The following ROBO1 variants were observed in gnomAD, a reference collection of about 807,000 sequenced individuals.
The protein encoded by ROBO1 is roundabout homolog 1.
ROBO1 carries 149 observed loss-of-function variants against 195.9 expected under a neutral mutation model. The ratio of observed to expected loss-of-function variants is 0.76; its 90% CI spans 0.67 to 0.87. The LOEUF is 0.87. ROBO1 is among the 40% of genes least tolerant of loss of function. ROBO1 has a pLI of 0.00. For missense variants in ROBO1, 1,933 were observed against 2,068.3 expected (o/e 0.93, Z 1.27); for synonymous variants, 816 against 733.2 (o/e 1.11, Z -1.82).
At chr3:78,662,243 G>A (rs1461390662) in intron 14 of ROBO1, 129 bp from the exon 15 acceptor site, 11 of 555,526 alleles carry the variant, frequency 2.0e-5, no homozygotes, top group Admixed American at 6.0e-5. Flanking sequence ...GCTGTGATTC[G>A]GAAAAAAAAA....
At chr3:79,753,189 A>G (rs1402970670) in intron 1 of ROBO1, among the ~76,000 whole-genome samples, 2 of 152,174 alleles carry the variant, frequency 1.3e-5, no homozygotes, top group Non-Finnish European at 2.9e-5. Flanking sequence ...TTTGCTGCTT[A>G]TTCAAACCAC....
At position 79,695,009 on chromosome 3, in the gene ROBO1, T is replaced by A. The variant is rs1576242776; in HGVS notation, c.-51+72743A>T. Among the ~76,000 whole-genome samples the A allele has an allele frequency of 3.3e-5, 5 of 151,584 alleles. No individual in the cohort carries two copies. The South Asian group carries it at 1.0e-3, about 31-fold the overall frequency. ...TGTTTTCCCATTTTTTGGAGGAAAA[T>A]CTGTCATTTTAAAACCAAAAGAAGA... is the stretch of plus-strand genomic sequence containing the variant. On this transcript the variant is annotated intron_variant, in intron 1 of 30. Transcript: ENST00000464233.
intron 3 of ROBO1, among the ~76,000 whole-genome samples, chr3:78,940,575 T>G (rs529404816): frequency 6.6e-6 from 1 of 152,352 alleles, no homozygotes; most frequent in East Asian, 1.9e-4. Context: ...GATTTATGCC[T>G]GCCACAGGGC....
intron 2 of ROBO1, among the ~76,000 whole-genome samples, chr3:79,525,557 A>ATAT (rs1387285580): frequency 8.0e-5 from 11 of 136,918 alleles, no homozygotes; most frequent in East Asian, 2.2e-4. Context: ...TATATATATA[A>ATAT]ATATATATAT....
chr3:79,000,145 T>A (rs1241349193), intron 3 of ROBO1, among the ~76,000 whole-genome samples: 1 of 152,102 alleles, frequency 6.6e-6, no homozygotes, highest in Admixed American at 6.6e-5. Flanking sequence ...TGAGGTGGCC[T>A]CAGGAAACTT....
At chr3:79,734,060 G>C (rs1005134480) in intron 1 of ROBO1, among the ~76,000 whole-genome samples, 1 of 151,016 alleles carries the variant, frequency 6.6e-6, no homozygotes. Flanking sequence ...CAATTCTCCT[G>C]CCTCAGCCTT....
intron 4 of ROBO1, among the ~76,000 whole-genome samples, chr3:78,859,941 T>C (rs1471974651): frequency 1.3e-5 from 2 of 151,998 alleles, no homozygotes; most frequent in South Asian, 2.1e-4. Flanking sequence ...TAGCCGGGCG[T>C]GGTGGCGGAC....
chr3:79,524,531 A>T (rs549160654), intron 2 of ROBO1, among the ~76,000 whole-genome samples: 2 of 152,246 alleles, frequency 1.3e-5, no homozygotes, highest in South Asian at 4.1e-4. Context: ...TCTATATTAT[A>T]CTTGATAAAC....
chr3:79,000,314 G>C (rs1386303166), intron 3 of ROBO1, among the ~76,000 whole-genome samples: 1 of 152,030 alleles, frequency 6.6e-6, no homozygotes, highest in Non-Finnish European at 1.5e-5. Flanking sequence ...TAGATTCTGG[G>C]TAGTAGACCT....
In ROBO1 at chr3:79,121,897, T is replaced by C. The variant is rs922769413; in HGVS notation, c.172+3559A>G. 5.9e-5 allele frequency among the ~76,000 whole-genome samples: 9 copies of C among 152,180 alleles called. No homozygotes were observed. The South Asian group carries it at 1.0e-3, about 18-fold the overall frequency. On this transcript the variant is annotated intron_variant, in intron 3 of 30. Coordinates refer to ENST00000464233, the MANE Select transcript of ROBO1 (RefSeq NM_002941.4). ...GTAGGATTTCATTAGCACCCACTTA[T>C]TCCCTGAATTTTTAATGTATCAATA...
At chr3:79,547,840 C>T (rs1942328022) in intron 2 of ROBO1, among the ~76,000 whole-genome samples, 1 of 152,114 alleles carries the variant, frequency 6.6e-6, no homozygotes, top group Non-Finnish European at 1.5e-5. Context: ...TGTCCTGGGA[C>T]TACACAGACA....
intron 4 of ROBO1, among the ~76,000 whole-genome samples, chr3:78,839,413 T>C (rs1004043696): frequency 2.0e-5 from 3 of 149,598 alleles, no homozygotes; most frequent in African/African-American, 7.3e-5. Flanking sequence ...ATATTCTTTT[T>C]TTCATTACTA....
chr3:79,717,361 A>G (rs7430339), intron 1 of ROBO1, among the ~76,000 whole-genome samples: 93,604 of 151,616 alleles, frequency 0.62, 29,107 homozygotes, highest in Middle Eastern at 0.71. Context: ...ATACACTTTT[A>G]TTTCTGCTAG....
At chr3:78,974,983 C>A (rs1378780508) in intron 3 of ROBO1, among the ~76,000 whole-genome samples, 7 of 152,056 alleles carry the variant, frequency 4.6e-5, no homozygotes, top group African/African-American at 7.2e-5. Flanking sequence ...GAGCCTAAGA[C>A]CATGTCTACT....
At chr3:79,016,482 C>CTG (rs763093514) in intron 3 of ROBO1, among the ~76,000 whole-genome samples, 2 of 152,162 alleles carry the variant, frequency 1.3e-5, no homozygotes, top group Non-Finnish European at 2.9e-5. Context: ...CAGTGTAGCT[C>CTG]TAACATTATA....
intron 3 of ROBO1, among the ~76,000 whole-genome samples, chr3:78,995,156 T>C (rs1184271037): frequency 2.6e-5 from 4 of 152,138 alleles, no homozygotes; most frequent in African/African-American, 9.7e-5. Context: ...CAAATCAAAG[T>C]TGGGTAACTG....
intron 24 of ROBO1, 24 bp downstream of exon 24, chr3:78,633,911 A>C: frequency 6.7e-7 from 1 of 1,482,466 alleles, no homozygotes; most frequent in South Asian, 1.2e-5. Context: ...TTAAAGGAGA[A>C]GTTCTTTGGT....
intron 2 of ROBO1, among the ~76,000 whole-genome samples, chr3:79,364,719 AC>A (rs2035902314): frequency 6.6e-6 from 1 of 152,166 alleles, no homozygotes; most frequent in Admixed American, 6.5e-5. Flanking sequence ...ATAATAAAGT[AC>A]TTTTATTATC....
chr3:79,658,622 G>A (rs1946239620), intron 1 of ROBO1, among the ~76,000 whole-genome samples: 1 of 151,906 alleles, frequency 6.6e-6, no homozygotes, highest in Non-Finnish European at 1.5e-5. Flanking sequence ...TAGTAGGCAT[G>A]TATTTAATGG....
Sources: gnomAD v4.1 joint callset for allele counts (sites outside exome capture counted in the v4.1 genomes callset) on GRCh38, gnomAD v4.1.1 for gene constraint, MANE v1.5 for transcripts, NCBI Gene and HGNC (gene_info 2026-07-23, HGNC 2026-07-21) for gene names.